The following THEMIS variants were observed in gnomAD, a reference collection of about 807,000 sequenced individuals.
THEMIS encodes the protein thymocyte selection associated, also known as protein THEMIS.
In THEMIS, 37 loss-of-function variants were observed where a neutral mutation model predicts 52.6. The observed-to-expected ratio is 0.70, with a 90% CI of 0.54 to 0.93. The LOEUF (loss-of-function observed/expected upper bound fraction) is 0.93, where lower values mean the gene tolerates loss of function less well. Ranked by LOEUF, THEMIS falls within the 40% of genes least tolerant of loss-of-function variation. THEMIS has a pLI of 0.00. For synonymous variants in THEMIS, 292 were observed against 272.7 expected (o/e 1.07, Z -0.70); for missense variants, 808 against 763.1 (o/e 1.06, Z -0.69).
At position 127,709,045 on chromosome 6, in the gene THEMIS, A is replaced by G. The variant is rs1248083098; in HGVS notation, c.*940T>C. On this transcript the variant is annotated 3_prime_UTR_variant, in exon 6 of 6. Transcript: ENST00000368248. ...AATATTGTTCCTGTATACTTAATAC[A>G]TAATAAGATAAATTATTAAAATGTG... 3 of 152,088 alleles carry G rather than the reference A, an allele frequency of 2.0e-5. No individual in the cohort carries two copies. The highest frequency in any genetic ancestry group is 7.2e-5 in the African/African-American group (3 of 41,438). 9.4% of individuals were successfully genotyped at this position (152,088 alleles called of 1,614,324 possible). A position where few individuals can be genotyped will look rare whatever the true frequency, so the allele number is the denominator to read the frequency against.
intron 4 of THEMIS, among the ~76,000 whole-genome samples, chr6:127,803,080 G>C (rs565545091): frequency 4.7e-4 from 72 of 152,062 alleles, no homozygotes; most frequent in Non-Finnish European, 8.4e-4. Context: ...AAATTCTCTT[G>C]AATATGTGTC....
intron 2 of THEMIS, among the ~76,000 whole-genome samples, chr6:127,830,757 G>T (rs1778675360): frequency 6.6e-6 from 1 of 152,074 alleles, no homozygotes; most frequent in Non-Finnish European, 1.5e-5. Context: ...TAGCAGTGAT[G>T]GTTGCACAAT....
rs768579455 is a variant in THEMIS, at chr6:127,915,860, G to A, written c.-150+2568C>T. Reference sequence around the variant, plus strand: ...AAATTAGTCAGGCGTGGTGGCACACGCCTGTAATCCCAGCTACTCGGGAGG... The same window carrying A: ...AAATTAGTCAGGCGTGGTGGCACACACCTGTAATCCCAGCTACTCGGGAGG... On this transcript the variant is annotated intron_variant, in intron 1 of 6. Coordinates refer to the THEMIS transcript ENST00000368250. Among the ~76,000 whole-genome samples the A allele has an allele frequency of 4.6e-5, 7 of 152,236 alleles. No homozygotes were observed. In the East Asian group the frequency reaches 5.8e-4, roughly 13 times the overall value.
intron 4 of THEMIS, among the ~76,000 whole-genome samples, chr6:127,800,255 T>C (rs1356729153): frequency 6.6e-6 from 1 of 152,196 alleles, no homozygotes; most frequent in East Asian, 1.9e-4. Context: ...GGTTCTTATA[T>C]TTTAGATTTT....
rs780995963 is a variant in THEMIS at position 127,900,900 on chromosome 6, G to A, written c.33C>T (p.Ser11=). Residue 11 remains serine, a synonymous_variant, in exon 1 of 6, where the codon TCC becomes TCT. Transcript: ENST00000368248. MALSLEEFVH[S]LDLRTLPRVL... Reference sequence around the variant, plus strand: ...CCCTGGGTAGGGTCCTGAGGTCAAGGGAGTGGACGAATTCTTCCAGTGATA... The same window carrying A: ...CCCTGGGTAGGGTCCTGAGGTCAAGAGAGTGGACGAATTCTTCCAGTGATA... 5.6e-6 allele frequency: 9 copies of A among 1,613,060 alleles called. No individual in the cohort carries two copies. The African/African-American group carries it at 8.0e-5, about 14-fold the overall frequency.
At chr6:127,715,287 G>C (rs1391433701) in intron 5 of THEMIS, among the ~76,000 whole-genome samples, 1 of 151,840 alleles carries the variant, frequency 6.6e-6, no homozygotes, top group African/African-American at 2.4e-5. Context: ...AAGATGAAAG[G>C]ACAGATTTTT....
At chr6:127,787,880 T>TATAGATAG (rs1554224618) in intron 4 of THEMIS, among the ~76,000 whole-genome samples, 1,830 of 119,942 alleles carry the variant, frequency 0.015, 28 homozygotes, top group East Asian at 0.043. Context: ...GATAGATAGA[T>TATAGATAG]ATAGATAGAT....
chr6:127,846,378 T>C (rs1048618216), intron 2 of THEMIS, among the ~76,000 whole-genome samples: 10 of 151,840 alleles, frequency 6.6e-5, no homozygotes, highest in African/African-American at 2.4e-4. Flanking sequence ...CAATAGAAGC[T>C]GTTCCTGCAG....
Position 127,797,605 on chromosome 6 carries a change from G to A in THEMIS, c.1758+15278C>T, listed in dbSNP as rs532292390. On this transcript the variant is annotated intron_variant, in intron 4 of 5. Coordinates refer to ENST00000368248, the MANE Select transcript of THEMIS (RefSeq NM_001010923.3). The stretch of plus-strand genomic sequence containing the variant: ...TTCTTCCAACTCCTACAGCTCATTG[G>A]CAAGACCTCCAAATGGATCACCTGA... Among the ~76,000 whole-genome samples, 5 of 152,232 alleles carry A rather than the reference G, an allele frequency of 3.3e-5. No homozygotes were observed. The South Asian group carries it at 1.0e-3, about 32-fold the overall frequency.
At chr6:127,879,623 G>GAAA (rs965851911) in intron 1 of THEMIS, among the ~76,000 whole-genome samples, 1 of 119,660 alleles carries the variant, frequency 8.4e-6, no homozygotes, top group African/African-American at 3.1e-5. Flanking sequence ...GTGTCACTCT[G>GAAA]AAAAAAAAAA....
intron 1 of THEMIS, among the ~76,000 whole-genome samples, chr6:127,866,980 T>TA (rs3057972): frequency 8.2e-5 from 12 of 146,886 alleles, no homozygotes; most frequent in African/African-American, 1.2e-4. Flanking sequence ...TTTATTTATT[T>TA]TTTACTTTTG....
At chr6:127,718,953 C>G (rs892503320) in intron 5 of THEMIS, among the ~76,000 whole-genome samples, 36 of 151,714 alleles carry the variant, frequency 2.4e-4, no homozygotes, top group African/African-American at 8.7e-4. Flanking sequence ...GAGAAGAAAG[C>G]ATGCTAGCTA....
chr6:127,736,905 G>T (rs1775028574), intron 4 of THEMIS, among the ~76,000 whole-genome samples: 1 of 147,498 alleles, frequency 6.8e-6, no homozygotes, highest in African/African-American at 2.5e-5. Flanking sequence ...ACATGTCATA[G>T]AAAAGGTAAA....
chr6:127,784,535 C>T (rs1208386339), intron 4 of THEMIS, among the ~76,000 whole-genome samples: 1 of 152,108 alleles, frequency 6.6e-6, no homozygotes, highest in East Asian at 1.9e-4. Context: ...ACATTAAATC[C>T]TCTCACACAC....
chr6:127,701,146 G>T, the THEMIS span, among the ~76,000 whole-genome samples: 2 of 151,918 alleles, frequency 1.3e-5, no homozygotes, highest in Admixed American at 6.6e-5. Context: ...GACCACTTTT[G>T]TGCCTCCCCA....
chr6:127,877,649 C>T (rs959023727), intron 1 of THEMIS, among the ~76,000 whole-genome samples: 1 of 152,080 alleles, frequency 6.6e-6, no homozygotes, highest in Non-Finnish European at 1.5e-5. Context: ...GCTCACTGTT[C>T]GTGGTGCCCC....
chr6:127,860,967 G>A (rs1027146152), intron 1 of THEMIS, among the ~76,000 whole-genome samples: 1 of 152,134 alleles, frequency 6.6e-6, no homozygotes, highest in East Asian at 1.9e-4. Flanking sequence ...AGAGCAAAGG[G>A]ATTTGAGGGT....
chr6:127,709,124 A>G lies in THEMIS; in HGVS notation c.*861T>C, dbSNP rs1168405579. ...GTACAACTATAAGAGCATCATTCTG[A>G]TGTATACTAATTAAGAATCACTTTG... On this transcript the variant is annotated 3_prime_UTR_variant, in exon 6 of 6. Coordinates refer to ENST00000368248, the MANE Select transcript of THEMIS (RefSeq NM_001010923.3). 1 of 152,036 alleles carries G rather than the reference A, an allele frequency of 6.6e-6. No homozygotes were observed. The highest frequency in any genetic ancestry group is 6.6e-5 in the Admixed American group (1 of 15,238). The allele number at this position is 152,036 out of a possible 1,614,324, so 9.4% of individuals were successfully genotyped here.
At chr6:127,869,946 C>T (rs529786452) in intron 1 of THEMIS, among the ~76,000 whole-genome samples, 3 of 152,162 alleles carry the variant, frequency 2.0e-5, no homozygotes, top group Admixed American at 6.6e-5. Flanking sequence ...ACTTAGGCCT[C>T]GCTCTTTGCC....
Sources: allele counts gnomAD v4.1 joint callset (sites outside exome capture counted in the v4.1 genomes callset), GRCh38; gene constraint gnomAD v4.1.1; transcripts MANE v1.5; gene names NCBI Gene and HGNC (gene_info 2026-07-23, HGNC 2026-07-21).